Variants in IL1RAPL2 observed in about 807,000 individuals in gnomAD.
IL1RAPL2 encodes interleukin 1 receptor accessory protein like 2, also known as X-linked interleukin-1 receptor accessory protein-like 2.
A neutral mutation model predicts 44.1 loss-of-function variants in IL1RAPL2; 3 were observed. That is an observed-to-expected ratio of 0.07 (90% confidence interval 0.03 to 0.18). The LOEUF (loss-of-function observed/expected upper bound fraction) is 0.18. IL1RAPL2 is among the 10% of genes least tolerant of loss of function. The pLI is 1.00. For missense variants in IL1RAPL2, 391 were observed against 496.4 expected (o/e 0.79, Z 2.02); for synonymous variants, 181 against 178.8 (o/e 1.01, Z -0.10).
At chrX:104,983,448 ATAT>A (rs1205805786) in intron 2 of IL1RAPL2, among the ~76,000 whole-genome samples, 4 of 97,290 alleles carry the variant, frequency 4.1e-5, no homozygotes, top group Non-Finnish European at 6.0e-5. Context: ...TAGATACATA[ATAT>A]TATATAATAT....
At chrX:104,700,642 C>G (rs1931259304) in intron 2 of IL1RAPL2, among the ~76,000 whole-genome samples, 2 of 111,699 alleles carry the variant, frequency 1.8e-5, no homozygotes, top group Admixed American at 9.5e-5. Context: ...GCCACTTTTG[C>G]AATGGCTTCC....
At chrX:105,384,365 G>A (rs1457591276) in intron 5 of IL1RAPL2, among the ~76,000 whole-genome samples, 1 of 111,309 alleles carries the variant, frequency 9.0e-6, no homozygotes, top group Non-Finnish European at 1.9e-5. Flanking sequence ...TTGAGTAGAC[G>A]ATCCTTTCCC....
chrX:105,275,724 T>C (rs1424932612), intron 5 of IL1RAPL2, among the ~76,000 whole-genome samples: 2 of 111,865 alleles, frequency 1.8e-5, no homozygotes, highest in Non-Finnish European at 3.8e-5. Context: ...TATGGAATTG[T>C]CAGCAAATGT....
chrX:105,404,856 G>A (rs1054661578), intron 5 of IL1RAPL2, among the ~76,000 whole-genome samples: 9 of 111,386 alleles, frequency 8.1e-5, no homozygotes, highest in African/African-American at 2.0e-4. Flanking sequence ...ATATTATTTC[G>A]CCATACTTTC....
At chrX:104,956,177 G>T (rs1350371634) in intron 2 of IL1RAPL2, among the ~76,000 whole-genome samples, 2 of 112,039 alleles carry the variant, frequency 1.8e-5, no homozygotes, top group Non-Finnish European at 3.8e-5. Flanking sequence ...TTCACTCACA[G>T]CTTTCACTGA....
chrX:104,651,499 CA>C (rs1489775668), intron 1 of IL1RAPL2, among the ~76,000 whole-genome samples: 1 of 111,496 alleles, frequency 9.0e-6, no homozygotes, highest in Non-Finnish European at 1.9e-5. Flanking sequence ...TATAAAATAT[CA>C]GAATTATAAA....
intron 6 of IL1RAPL2, among the ~76,000 whole-genome samples, chrX:105,538,032 CTTTTT>C (rs1191360462): frequency 3.7e-5 from 3 of 80,727 alleles, no homozygotes; most frequent in Non-Finnish European, 6.7e-5. Context: ...ATTTTCCCTT[CTTTTT>C]TTTTTTTTTT....
At chrX:105,311,611 T>C (rs369505923) in intron 5 of IL1RAPL2, among the ~76,000 whole-genome samples, 5 of 92,557 alleles carry the variant, frequency 5.4e-5, no homozygotes, top group Middle Eastern at 5.4e-3. Context: ...TATACATACA[T>C]ACACACACAC....
intron 1 of IL1RAPL2, among the ~76,000 whole-genome samples, chrX:104,582,918 T>C (rs1186923947): frequency 9.7e-6 from 1 of 102,605 alleles, no homozygotes; most frequent in Non-Finnish European, 2.0e-5. Context: ...TGATGGAGTA[T>C]TACTCTGTTG....
At chrX:105,240,418 A>G (rs1368922548) in intron 4 of IL1RAPL2, among the ~76,000 whole-genome samples, 2 of 112,529 alleles carry the variant, frequency 1.8e-5, no homozygotes, top group African/African-American at 3.2e-5. Flanking sequence ...TTGGTATTCA[A>G]TTAATTTTTG....
Position 104,998,836 on chromosome X carries a change from C to T in IL1RAPL2, c.83-196639C>T, listed in dbSNP as rs1444667095. 2.7e-5 allele frequency among the ~76,000 whole-genome samples: 3 copies of T among 111,049 alleles called. 1 individual carries two copies. The highest frequency in any genetic ancestry group is 5.7e-5 in the Non-Finnish European group (3 of 52,786). On this transcript the variant is annotated intron_variant, in intron 2 of 10. Coordinates refer to ENST00000372582, the MANE Select transcript of IL1RAPL2 (RefSeq NM_017416.2). ...TTTATTTTTGAGAGAGGGTCTTGCC[C>T]TCTTATCCAGGCTGGAGTGCAGTGG... is the stretch of plus-strand genomic sequence containing the variant.
At chrX:104,648,103 A>G (rs1022330514) in intron 1 of IL1RAPL2, 3 of 421,215 alleles carry the variant, frequency 7.1e-6, no homozygotes, top group South Asian at 3.2e-5. Flanking sequence ...CCATACACAT[A>G]CACACACATT....
chrX:105,059,882 C>T (rs2032050499), intron 2 of IL1RAPL2, among the ~76,000 whole-genome samples: 1 of 112,222 alleles, frequency 8.9e-6, no homozygotes, highest in Non-Finnish European at 1.9e-5. Flanking sequence ...GCTTCCAAAT[C>T]TTGGCTATTG....
intron 2 of IL1RAPL2, among the ~76,000 whole-genome samples, chrX:104,951,719 T>G (rs1475242414): frequency 8.9e-6 from 1 of 112,486 alleles, no homozygotes; most frequent in Non-Finnish European, 1.9e-5. Flanking sequence ...AGTGAATTAC[T>G]CAACAACTAA....
At chrX:105,496,432 GAGAA>G (rs1201650098) in intron 6 of IL1RAPL2, among the ~76,000 whole-genome samples, 1 of 112,320 alleles carries the variant, frequency 8.9e-6, no homozygotes, top group Admixed American at 9.5e-5. Context: ...GAAAGTTCTT[GAGAA>G]AGAAAGAGAA....
intron 5 of IL1RAPL2, among the ~76,000 whole-genome samples, chrX:105,395,365 T>C (rs1602392715): frequency 1.8e-5 from 2 of 109,873 alleles, no homozygotes; most frequent in East Asian, 5.7e-4. Flanking sequence ...GAGATATTCT[T>C]AATTTTTTTT....
At chrX:105,218,787 A>G (rs1603015068) in intron 3 of IL1RAPL2, 1 of 350,770 alleles carries the variant, frequency 2.9e-6, no homozygotes, top group Non-Finnish European at 4.7e-6. Context: ...CCCCTCCTCC[A>G]GTCACCACCC....
intron 2 of IL1RAPL2, among the ~76,000 whole-genome samples, chrX:105,157,955 C>A (rs910546922): frequency 6.3e-5 from 7 of 111,874 alleles, no homozygotes; most frequent in African/African-American, 2.3e-4. Flanking sequence ...ATTCATAGAA[C>A]CAACTTGTTT....
chrX:105,053,464 G>A (rs1265446097), intron 2 of IL1RAPL2, among the ~76,000 whole-genome samples: 1 of 111,183 alleles, frequency 9.0e-6, no homozygotes, highest in Non-Finnish European at 1.9e-5. Context: ...GTTAAGGTAG[G>A]ACTATAGATG....
Sources: gnomAD v4.1 joint callset for allele counts (sites outside exome capture counted in the v4.1 genomes callset) on GRCh38, gnomAD v4.1.1 for gene constraint, MANE v1.5 for transcripts, NCBI Gene and HGNC (gene_info 2026-07-23, HGNC 2026-07-21) for gene names.